PCCA: variants seen among roughly 807,000 people sequenced by gnomAD.
The protein encoded by PCCA is propionyl-CoA carboxylase subunit alpha, also known as propionyl-CoA carboxylase alpha chain, mitochondrial.
In PCCA, 74 loss-of-function variants were observed where a neutral mutation model predicts 101.3. The ratio of observed to expected loss-of-function variants is 0.73; its 90% CI spans 0.61 to 0.89. The LOEUF (loss-of-function observed/expected upper bound fraction) is 0.89. Among genes scored for constraint, PCCA ranks in the 40% least tolerant of loss-of-function variants. PCCA has a pLI of 0.00. For missense variants in PCCA, 891 were observed against 907.0 expected, an observed-to-expected ratio of 0.98 and a Z score of 0.23; for synonymous variants, 294 against 313.6, an observed-to-expected ratio of 0.94 and a Z score of 0.66.
intron 21 of PCCA, chr13:100,490,411 G>A (rs2084815381): frequency 1.3e-5 from 2 of 152,186 alleles, no homozygotes; most frequent in Admixed American, 1.3e-4. Flanking sequence ...CCTGCATCAA[G>A]GCGGAACAAG....
At chr13:100,495,930 C>T (rs2085242278) in intron 21 of PCCA, among the ~76,000 whole-genome samples, 1 of 152,106 alleles carries the variant, frequency 6.6e-6, no homozygotes, top group Admixed American at 6.6e-5. Context: ...CAAATGTTAA[C>T]ATTTTATCAG....
chr13:100,247,623 C>G (rs968536552), intron 8 of PCCA, among the ~76,000 whole-genome samples: 5 of 151,616 alleles, frequency 3.3e-5, no homozygotes, highest in Non-Finnish European at 7.4e-5. Context: ...AAGCAATTCT[C>G]CTGCCTCAGC....
At chr13:100,188,401 A>G (rs1488519941) in intron 6 of PCCA, among the ~76,000 whole-genome samples, 2 of 152,248 alleles carry the variant, frequency 1.3e-5, no homozygotes, top group Non-Finnish European at 2.9e-5. Context: ...ATTCCTTTTT[A>G]TGGCTGAGTG....
intron 19 of PCCA, among the ~76,000 whole-genome samples, chr13:100,385,417 T>G (rs1262591344): frequency 6.6e-6 from 1 of 152,124 alleles, no homozygotes; most frequent in Non-Finnish European, 1.5e-5. Context: ...TGCAGAACTC[T>G]TACAAATCAA....
chr13:100,491,655 G>A, intron 21 of PCCA: 1 of 1,304,234 alleles, frequency 7.7e-7, no homozygotes, highest in Non-Finnish European at 1.0e-6. Flanking sequence ...TGTAGCCCTG[G>A]AGAAAGCTTC....
chr13:100,179,452 G>A (rs1046886243), intron 6 of PCCA, among the ~76,000 whole-genome samples: 9 of 152,024 alleles, frequency 5.9e-5, no homozygotes, highest in African/African-American at 1.7e-4. Flanking sequence ...CAATGCTGTC[G>A]TGATCTTTTA....
At chr13:100,526,752 A>G (rs1292718322) in intron 22 of PCCA, among the ~76,000 whole-genome samples, 1 of 152,280 alleles carries the variant, frequency 6.6e-6, no homozygotes, top group Admixed American at 6.5e-5. Flanking sequence ...GGCAGAGCGA[A>G]GTGAGTGCGC....
chr13:100,285,563 A>G (rs1374274858), intron 12 of PCCA, among the ~76,000 whole-genome samples: 1 of 152,156 alleles, frequency 6.6e-6, no homozygotes, highest in Non-Finnish European at 1.5e-5. Flanking sequence ...CACTGTCTGG[A>G]CTACTCATGA....
chr13:100,168,148 T>C (rs1388893673), intron 6 of PCCA, among the ~76,000 whole-genome samples: 1 of 152,186 alleles, frequency 6.6e-6, no homozygotes, highest in African/African-American at 2.4e-5. Flanking sequence ...GTGTTCATTC[T>C]TCAGTTCCAC....
rs549838617 is a variant in PCCA, at chr13:100,253,787, T to C, written c.638-3808T>C. 6.7e-4 allele frequency among the ~76,000 whole-genome samples: 102 copies of C among 151,640 alleles called. 1 individual carries two copies. Among genetic ancestry groups the C allele is most frequent in the African/African-American group, 2.3e-3 (94 of 41,298 alleles). On this transcript the variant is annotated intron_variant, in intron 8 of 23. Coordinates refer to ENST00000376285, the MANE Select transcript of PCCA (RefSeq NM_000282.4). ...CTGTGTCTGGGGTGAGGTAAGGTAG[T>C]AGCAGTAAGCATCCCATGAGAGGAC...
chr13:100,446,723 C>A (rs938429587), intron 20 of PCCA, among the ~76,000 whole-genome samples: 3 of 152,096 alleles, frequency 2.0e-5, no homozygotes, highest in Admixed American at 2.0e-4. Context: ...TTATTAAGTT[C>A]AACATGTGTG....
chr13:100,122,951 A>G (rs1164258581), intron 4 of PCCA, among the ~76,000 whole-genome samples: 1 of 152,246 alleles, frequency 6.6e-6, no homozygotes, highest in African/African-American at 2.4e-5. Context: ...CTGAAATAGC[A>G]TTCCAGAAGT....
intron 19 of PCCA, among the ~76,000 whole-genome samples, chr13:100,404,500 G>A (rs947479058): frequency 6.6e-6 from 1 of 152,122 alleles, no homozygotes; most frequent in African/African-American, 2.4e-5. Context: ...AGTCCTGGGG[G>A]TCCCGGATGC....
chr13:100,268,609 T>C lies in PCCA; in HGVS notation c.820-80T>C. ...AGTTTGAATATTAAAAACCAAGAGATGTTGCATGCGGAAAATATTAACCAT... is the reference window on the plus strand; with the variant it reads ...AGTTTGAATATTAAAAACCAAGAGACGTTGCATGCGGAAAATATTAACCAT... On this transcript the variant is annotated intron_variant, in intron 10 of 23. Coordinates refer to ENST00000376285, the MANE Select transcript of PCCA (RefSeq NM_000282.4). The C allele has an allele frequency of 3.2e-6, 3 of 944,284 alleles. No individual in the cohort carries two copies. In the South Asian group the frequency reaches 3.9e-5, roughly 12 times the overall value. 58.5% of individuals were successfully genotyped at this position (944,284 alleles called of 1,614,324 possible). A position where few individuals can be genotyped will look rare whatever the true frequency, so the allele number is the denominator to read the frequency against.
rs558590086 is a variant in PCCA, at chr13:100,214,233, T to C, written c.600+4770T>C. On this transcript the variant is annotated intron_variant, in intron 7 of 23. Coordinates refer to ENST00000376285, the MANE Select transcript of PCCA (RefSeq NM_000282.4). ...GGTTCTATATAAATTTTAGGATTTTTTTTTCTATTTCTGTGAAGATTGTCA... is the reference window on the plus strand; with the variant it reads ...GGTTCTATATAAATTTTAGGATTTTCTTTTCTATTTCTGTGAAGATTGTCA... Among the ~76,000 whole-genome samples the C allele has an allele frequency of 2.6e-4, 39 of 152,260 alleles. 1 individual carries two copies. In the South Asian group the frequency reaches 6.4e-3, roughly 25 times the overall value.
intron 19 of PCCA, among the ~76,000 whole-genome samples, chr13:100,415,115 A>T (rs1237222770): frequency 6.6e-6 from 1 of 151,974 alleles, no homozygotes; most frequent in East Asian, 1.9e-4. Context: ...TCTAGCCCAC[A>T]AGTCGAATCA....
chr13:100,248,974 G>A (rs528346477), intron 8 of PCCA, among the ~76,000 whole-genome samples: 74 of 151,848 alleles, frequency 4.9e-4, no homozygotes, highest in Middle Eastern at 3.4e-3. Context: ...GGCTGGTCTC[G>A]AACCCCTGAC....
At chr13:100,222,882 A>G (rs1215179254) in intron 7 of PCCA, among the ~76,000 whole-genome samples, 1 of 152,190 alleles carries the variant, frequency 6.6e-6, no homozygotes, top group South Asian at 2.1e-4. Flanking sequence ...ACATGGAGAC[A>G]GTTTACCCAT....
chr13:100,117,624 G>C (rs2048924635), intron 4 of PCCA, among the ~76,000 whole-genome samples: 1 of 151,942 alleles, frequency 6.6e-6, no homozygotes, highest in Admixed American at 6.6e-5. Flanking sequence ...GTCCTGTTGT[G>C]GGGTTGGGGG....
Sources: allele counts gnomAD v4.1 joint callset (sites outside exome capture counted in the v4.1 genomes callset), GRCh38; gene constraint gnomAD v4.1.1; transcripts MANE v1.5; gene names NCBI Gene and HGNC (gene_info 2026-07-23, HGNC 2026-07-21).